DIAPH2: variants seen among roughly 807,000 people sequenced by gnomAD.
DIAPH2 encodes the protein protein diaphanous homolog 2.
DIAPH2 carries 35 observed loss-of-function variants against 92.7 expected under a neutral mutation model. The ratio of observed to expected loss-of-function variants is 0.38; its 90% confidence interval spans 0.29 to 0.50. The LOEUF is 0.50. DIAPH2 is among the 20% of genes least tolerant of loss of function. The pLI is 0.94. For missense variants in DIAPH2, 701 were observed against 819.5 expected, an observed-to-expected ratio of 0.86 and a Z score of 1.77; for synonymous variants, 301 against 280.4, an observed-to-expected ratio of 1.07 and a Z score of -0.73.
chrX:97,372,909 A>G (rs1052389787), intron 24 of DIAPH2, among the ~76,000 whole-genome samples: 4 of 110,932 alleles, frequency 3.6e-5, no homozygotes, highest in African/African-American at 1.3e-4. Context: ...CCCAGGAGGC[A>G]GAGGTTGCAG....
At chrX:97,113,878 G>A (rs1382238834) in intron 20 of DIAPH2, among the ~76,000 whole-genome samples, 2 of 111,439 alleles carry the variant, frequency 1.8e-5, no homozygotes, top group Non-Finnish European at 3.8e-5. Context: ...GCGTTCATGT[G>A]TGTCTACCTC....
chrX:97,175,106 C>T (rs1051906019), intron 22 of DIAPH2, among the ~76,000 whole-genome samples: 3 of 111,759 alleles, frequency 2.7e-5, no homozygotes, highest in Admixed American at 9.6e-5. Context: ...GCCCATACTG[C>T]TAGCTAAGAC....
chrX:97,257,983 C>G (rs2068252118), intron 23 of DIAPH2, among the ~76,000 whole-genome samples: 1 of 104,102 alleles, frequency 9.6e-6, no homozygotes, highest in Non-Finnish European at 2.0e-5. Context: ...AAAAAAAAGG[C>G]CTCTTTTTTC....
intron 25 of DIAPH2, among the ~76,000 whole-genome samples, chrX:97,401,639 A>G (rs2069758470): frequency 9.0e-6 from 1 of 111,661 alleles, no homozygotes; most frequent in Non-Finnish European, 1.9e-5. Context: ...TAGAAATGCA[A>G]AGTTTCTGGC....
At chrX:97,475,334 A>G (rs1266341654) in intron 26 of DIAPH2, among the ~76,000 whole-genome samples, 4 of 112,479 alleles carry the variant, frequency 3.6e-5, no homozygotes, top group Non-Finnish European at 7.5e-5. Context: ...CTAGGCTTAC[A>G]AAGTAGACAG....
chrX:97,434,289 T>C (rs1463962328), intron 26 of DIAPH2, among the ~76,000 whole-genome samples: 2 of 111,281 alleles, frequency 1.8e-5, no homozygotes, highest in East Asian at 5.6e-4. Flanking sequence ...AGTAATCAAT[T>C]AGGAGTCTAT....
intron 26 of DIAPH2, among the ~76,000 whole-genome samples, chrX:97,454,814 C>T (rs1228844046): frequency 9.3e-6 from 1 of 107,755 alleles, no homozygotes; most frequent in African/African-American, 3.4e-5. Flanking sequence ...AAGATTGCAC[C>T]ACTGCACTCC....
chrX:96,712,277 T>C (rs1349557412), intron 1 of DIAPH2, among the ~76,000 whole-genome samples: 3 of 111,683 alleles, frequency 2.7e-5, no homozygotes, highest in African/African-American at 9.8e-5. Flanking sequence ...CTTTTGTGGA[T>C]TTTTTATATA....
At chrX:97,047,542 C>CATTTTTTTTTTTTTT (rs2066492305) in intron 17 of DIAPH2, among the ~76,000 whole-genome samples, 1 of 30,101 alleles carries the variant, frequency 3.3e-5, no homozygotes, top group African/African-American at 1.6e-4. Context: ...ATAAAATAGG[C>CATTTTTTTTTTTTTT]TTTTTTTTTT....
intron 26 of DIAPH2, among the ~76,000 whole-genome samples, chrX:97,456,740 TA>T (rs1179426702): frequency 9.0e-6 from 1 of 110,991 alleles, no homozygotes; most frequent in Admixed American, 9.6e-5. Context: ...TACAATAATA[TA>T]AAAAAAACTC....
At chrX:97,495,198 G>T (rs982447422) in intron 26 of DIAPH2, among the ~76,000 whole-genome samples, 1 of 111,850 alleles carries the variant, frequency 8.9e-6, no homozygotes, top group African/African-American at 3.3e-5. Flanking sequence ...TTTCAGTAGA[G>T]TTTTTTCAGT....
intron 22 of DIAPH2, among the ~76,000 whole-genome samples, chrX:97,220,626 A>G (rs1602426822): frequency 9.0e-6 from 1 of 111,617 alleles, no homozygotes; most frequent in Non-Finnish European, 1.9e-5. Context: ...GCAGCTGGTG[A>G]AAGAGGCACT....
At position 97,384,179 on chromosome X, in the gene DIAPH2, T is replaced by C. The variant is rs187096041; in HGVS notation, c.3145+135T>C. 1,252 of 527,456 alleles carry C rather than the reference T, an allele frequency of 2.4e-3. 1 individual carries two copies. Among genetic ancestry groups the C allele is most frequent in the Non-Finnish European group, 3.3e-3 (1,110 of 332,381 alleles). The allele number at this position is 527,456 out of a possible 1,213,427, so 43.5% of individuals were successfully genotyped here. A position where few individuals can be genotyped will look rare whatever the true frequency, so the allele number is the denominator to read the frequency against. ...AGTTACTTGTGCTAAATTTCTCTCA[T>C]GATGCTATGTGTGGTTTCCTATCTC... On this transcript the variant is annotated intron_variant, in intron 25 of 26. Transcript: ENST00000324765.
At chrX:97,354,692 C>T (rs1298445643) in intron 24 of DIAPH2, among the ~76,000 whole-genome samples, 2 of 112,710 alleles carry the variant, frequency 1.8e-5, no homozygotes, top group African/African-American at 3.2e-5. Flanking sequence ...GCTTTTTAAA[C>T]TAAAATGGTT....
intron 4 of DIAPH2, 79 bp from the exon 5 acceptor site, chrX:96,881,498 CAA>C (rs2065212800): frequency 3.5e-6 from 3 of 862,007 alleles, no homozygotes; most frequent in East Asian, 3.5e-5. Flanking sequence ...TTTTATATAA[CAA>C]AATAAATATT....
chrX:97,525,111 C>T (rs1282878570), intron 26 of DIAPH2, among the ~76,000 whole-genome samples: 1 of 112,233 alleles, frequency 8.9e-6, no homozygotes, highest in Non-Finnish European at 1.9e-5. Flanking sequence ...CTCTATAAAT[C>T]TCCACATCTC....
At chrX:97,314,257 A>T (rs2068822185) in intron 23 of DIAPH2, among the ~76,000 whole-genome samples, 1 of 107,916 alleles carries the variant, frequency 9.3e-6, no homozygotes, top group Admixed American at 1.0e-4. Flanking sequence ...AAAAAAAAAA[A>T]AAAAATTATC....
intron 4 of DIAPH2, among the ~76,000 whole-genome samples, chrX:96,817,902 G>C (rs1228227797): frequency 9.3e-6 from 1 of 107,778 alleles, no homozygotes; most frequent in Non-Finnish European, 1.9e-5. Flanking sequence ...ACTATATACT[G>C]TATTCCCCTC....
At chrX:96,831,661 A>G (rs1250819363) in intron 4 of DIAPH2, among the ~76,000 whole-genome samples, 1 of 112,546 alleles carries the variant, frequency 8.9e-6, no homozygotes, top group Non-Finnish European at 1.9e-5. Context: ...AAAGAATATT[A>G]TGAAACCATC....
Sources: allele counts gnomAD v4.1 joint callset (sites outside exome capture counted in the v4.1 genomes callset), GRCh38; gene constraint gnomAD v4.1.1; transcripts MANE v1.5; gene names NCBI Gene and HGNC (gene_info 2026-07-23, HGNC 2026-07-21).